PDE3A: variants seen among roughly 807,000 people sequenced by gnomAD.
PDE3A encodes phosphodiesterase 3A.
PDE3A carries 43 observed loss-of-function variants against 98.3 expected under a neutral mutation model. The observed-to-expected ratio is 0.44, with a 90% CI of 0.34 to 0.56. The LOEUF is 0.56. PDE3A is among the 20% of genes least tolerant of loss of function. The probability of loss-of-function intolerance (pLI) is 0.01; values close to 1 mark genes in which losing one functional copy is unlikely to be tolerated. For synonymous variants in PDE3A, 663 were observed against 567.9 expected, an observed-to-expected ratio of 1.17 and a Z score of -2.38; for missense variants, 1,427 against 1,440.7, an observed-to-expected ratio of 0.99 and a Z score of 0.15.
At chr12:20,416,921 A>G (rs527884394) in intron 1 of PDE3A, among the ~76,000 whole-genome samples, 6 of 152,304 alleles carry the variant, frequency 3.9e-5, no homozygotes, top group Non-Finnish European at 7.4e-5. Flanking sequence ...TATTCAAAGT[A>G]CATAAGGTGA....
chr12:20,614,126 A>G (rs1309105605), intron 3 of PDE3A, among the ~76,000 whole-genome samples: 4 of 132,610 alleles, frequency 3.0e-5, no homozygotes, highest in African/African-American at 8.5e-5. Flanking sequence ...CTTGAATGAT[A>G]TACTTCAAAA....
intron 10 of PDE3A, among the ~76,000 whole-genome samples, chr12:20,645,050 G>A (rs1002467502): frequency 4.6e-5 from 7 of 151,636 alleles, no homozygotes; most frequent in Non-Finnish European, 7.4e-5. Context: ...CACCACGCTC[G>A]GCTAATTTTT....
chr12:20,532,457 T>C (rs1406352980), intron 1 of PDE3A, among the ~76,000 whole-genome samples: 1 of 152,162 alleles, frequency 6.6e-6, no homozygotes, highest in East Asian at 1.9e-4. Context: ...AAGGTATAAA[T>C]ATACCCATTT....
rs73240404 is a variant in PDE3A at position 20,687,539 on chromosome 12, T to G, written c.*7268T>G. On this transcript the variant is annotated 3_prime_UTR_variant, in exon 16 of 16. Coordinates refer to ENST00000359062, the MANE Select transcript of PDE3A (RefSeq NM_000921.5). Reference sequence around the variant, plus strand: ...TTATGACTGTCAGTTTATGTCTTAATGTATTCTCACAGAAGAATGCATACC... The same window carrying G: ...TTATGACTGTCAGTTTATGTCTTAAGGTATTCTCACAGAAGAATGCATACC... Among the ~76,000 whole-genome samples, 4,268 of 152,134 alleles carry G rather than the reference T, an allele frequency of 0.028. 211 individuals carry two copies. The highest frequency in any genetic ancestry group is 0.099 in the African/African-American group (4,117 of 41,522).
intron 1 of PDE3A, among the ~76,000 whole-genome samples, chr12:20,542,291 G>T (rs1941934338): frequency 1.3e-5 from 2 of 151,844 alleles, no homozygotes; most frequent in Non-Finnish European, 2.9e-5. Context: ...ACTTAAAAAT[G>T]AATTCAATGT....
intron 1 of PDE3A, among the ~76,000 whole-genome samples, chr12:20,517,536 G>C (rs1017067183): frequency 5.3e-5 from 8 of 152,162 alleles, no homozygotes; most frequent in African/African-American, 1.9e-4. Flanking sequence ...AATTTCTGCT[G>C]TGTTTCCTAC....
At chr12:20,667,965 C>G (rs1025982019) in intron 15 of PDE3A, among the ~76,000 whole-genome samples, 8 of 152,062 alleles carry the variant, frequency 5.3e-5, no homozygotes, top group African/African-American at 1.9e-4. Context: ...GAGTGCGAGA[C>G]AGTGGGCGCA....
At chr12:20,567,829 T>G (rs767138662) in intron 2 of PDE3A, among the ~76,000 whole-genome samples, 14 of 152,008 alleles carry the variant, frequency 9.2e-5, no homozygotes, top group Non-Finnish European at 2.1e-4. Context: ...GGCATTACTA[T>G]TTCTGTTCAA....
chr12:20,369,506 G>A lies in PDE3A; in HGVS notation c.222G>A (p.Leu74=). The change falls in exon 1 of 16, where the codon CTG becomes CTA. Residue 74 remains leucine (L), a synonymous_variant. Coordinates refer to ENST00000359062, the MANE Select transcript of PDE3A (RefSeq NM_000921.5). ...GCGCGGGCTCCCTGTCCTTTCTGCT[G>A]GCGCTGCTGGTGAGGCTGGTCCGCG... ...ALCAGSLSFL[L]ALLVRLVRGE... 2 of 1,560,770 alleles carry A rather than the reference G, an allele frequency of 1.3e-6. No individual in the cohort carries two copies. The highest frequency in any genetic ancestry group is 1.2e-5 in the South Asian group (1 of 84,830).
intron 5 of PDE3A, among the ~76,000 whole-genome samples, chr12:20,622,995 T>A (rs1944173800): frequency 6.6e-6 from 1 of 152,076 alleles, no homozygotes; most frequent in Non-Finnish European, 1.5e-5. Flanking sequence ...ATATTTAAAT[T>A]AAAATTTAAT....
intron 1 of PDE3A, among the ~76,000 whole-genome samples, chr12:20,526,525 G>A (rs1946522894): frequency 6.6e-6 from 1 of 152,092 alleles, no homozygotes; most frequent in Admixed American, 6.5e-5. Flanking sequence ...TGTATAATAT[G>A]CCTTCTAAAC....
chr12:20,396,149 A>G (rs747663401), intron 1 of PDE3A, among the ~76,000 whole-genome samples: 15 of 152,180 alleles, frequency 9.9e-5, no homozygotes, highest in South Asian at 8.3e-4. Context: ...TATAAATGAA[A>G]AAAACCCTCA....
chr12:20,439,945 T>C (rs1212825468), intron 1 of PDE3A, among the ~76,000 whole-genome samples: 3 of 152,176 alleles, frequency 2.0e-5, no homozygotes, highest in African/African-American at 7.2e-5. Flanking sequence ...AAATGATAAT[T>C]TCCCTACATA....
chr12:20,549,751 A>C (rs1008816895), intron 1 of PDE3A, among the ~76,000 whole-genome samples: 2 of 152,144 alleles, frequency 1.3e-5, no homozygotes, highest in African/African-American at 4.8e-5. Flanking sequence ...TTAATATATA[A>C]ATAAGAATGG....
chr12:20,528,480 G>T (rs930811412), intron 1 of PDE3A, among the ~76,000 whole-genome samples: 1 of 152,214 alleles, frequency 6.6e-6, no homozygotes, highest in Non-Finnish European at 1.5e-5. Flanking sequence ...ATGAATGAAA[G>T]CTTCTGCCTC....
chr12:20,616,140 C>A, intron 3 of PDE3A, 90 bp from the exon 4 acceptor site: 1 of 1,180,866 alleles, frequency 8.5e-7, no homozygotes, highest in Non-Finnish European at 1.2e-6. Flanking sequence ...CAATTCACTT[C>A]TAATTAAAAG....
At position 20,629,941 on chromosome 12, in the gene PDE3A, C is replaced by A. The variant is rs752308602; in HGVS notation, c.1574C>A (p.Pro525His). The change falls in exon 6 of 16, where the codon CCC (proline) becomes CAC (histidine). Residue 525 changes from proline to histidine, a missense_variant. Pro to His is a moderately conservative substitution (Grantham distance 77). Around this residue, in one of 3 missense-constraint regions of PDE3A, gnomAD observed 1,012 missense variants for 886.5 expected, o/e 1.14. Transcript: ENST00000359062. ...GCTAAAATTTCACCTCTTTCATCGC[C>A]CTGCTCCTCACCTCTCCAAGGGACT... Reference protein sequence around the residue: ...ALAKISPLSSPCSSPLQGTPA... With the variant: ...ALAKISPLSSHCSSPLQGTPA... The A allele has an allele frequency of 1.2e-6, 2 of 1,613,842 alleles. No individual in the cohort carries two copies. Among genetic ancestry groups the A allele is most frequent in the Admixed American group, 1.7e-5 (1 of 59,972 alleles).
intron 1 of PDE3A, among the ~76,000 whole-genome samples, chr12:20,471,786 A>T (rs187508301): frequency 6.6e-6 from 1 of 152,168 alleles, no homozygotes; most frequent in African/African-American, 2.4e-5. Context: ...AATATTTGAT[A>T]TATGATGCCT....
At chr12:20,524,888 AC>A (rs1479597473) in intron 1 of PDE3A, among the ~76,000 whole-genome samples, 1 of 151,984 alleles carries the variant, frequency 6.6e-6, no homozygotes, top group Non-Finnish European at 1.5e-5. Context: ...TAATCCCAGC[AC>A]TTTGGGAGAC....
Sources: allele counts gnomAD v4.1 joint callset (sites outside exome capture counted in the v4.1 genomes callset), GRCh38; gene constraint gnomAD v4.1.1; regional missense constraint gnomAD v4.1.1; transcripts MANE v1.5; gene names NCBI Gene and HGNC (gene_info 2026-07-23, HGNC 2026-07-21).